CCNJL: variants seen among roughly 807,000 people sequenced by gnomAD.
CCNJL encodes cyclin-J-like protein.
Under a neutral mutation model 33.4 loss-of-function variants are expected in CCNJL, and 33 were observed. The ratio of observed to expected loss-of-function variants is 0.99; its 90% CI spans 0.75 to 1.32. The LOEUF (loss-of-function observed/expected upper bound fraction) is 1.32. CCNJL is among the 40% of genes most tolerant of loss of function. The pLI, the probability that CCNJL is intolerant of heterozygous loss-of-function variation, is 0.00. For missense variants in CCNJL, 512 were observed against 499.7 expected (o/e 1.02, Z -0.23); for synonymous variants, 227 against 220.9 (o/e 1.03, Z -0.24).
chr5:160,262,361 G>T (rs1761376411), intron 3 of CCNJL, among the ~76,000 whole-genome samples: 1 of 152,184 alleles, frequency 6.6e-6, no homozygotes, highest in South Asian at 2.1e-4. Context: ...CCAATGGAAG[G>T]CACCAGGGAT....
intron 3 of CCNJL, among the ~76,000 whole-genome samples, chr5:160,273,642 C>CTTT (rs56869675): frequency 0.01 from 1,023 of 97,640 alleles, 43 homozygotes; most frequent in African/African-American, 0.022. Flanking sequence ...AGTGCCGCCA[C>CTTT]TTTTTTTTTT....
intron 2 of CCNJL, among the ~76,000 whole-genome samples, chr5:160,304,427 G>T (rs1763027107): frequency 6.6e-6 from 1 of 152,134 alleles, no homozygotes; most frequent in African/African-American, 2.4e-5. Context: ...CTGCAGGTTA[G>T]ACTGCAGGAA....
chr5:160,254,286 A>G (rs746858671), intron 5 of CCNJL: 6 of 654,650 alleles, frequency 9.2e-6, no homozygotes, highest in Non-Finnish European at 1.6e-5. Context: ...GCTAGCTGAT[A>G]TCAACCAAAT....
intron 3 of CCNJL, among the ~76,000 whole-genome samples, chr5:160,266,897 C>T (rs1176098410): frequency 6.6e-6 from 1 of 152,184 alleles, no homozygotes; most frequent in Non-Finnish European, 1.5e-5. Context: ...AGGACTGTGA[C>T]CTTGAACTCT....
chr5:160,338,456 A>G (rs921479296), intron 1 of CCNJL, among the ~76,000 whole-genome samples: 2 of 147,872 alleles, frequency 1.4e-5, no homozygotes, highest in Admixed American at 6.8e-5. Context: ...ACGTATCTTC[A>G]TTTTACACTA....
intron 3 of CCNJL, among the ~76,000 whole-genome samples, chr5:160,260,543 C>G (rs530782477): frequency 1.1e-4 from 17 of 152,214 alleles, no homozygotes; most frequent in African/African-American, 4.1e-4. Context: ...ATAGCAACCC[C>G]GGCAGTCATC....
chr5:160,304,962 C>T (rs1446891706), intron 2 of CCNJL, among the ~76,000 whole-genome samples: 1 of 152,034 alleles, frequency 6.6e-6, no homozygotes, highest in Non-Finnish European at 1.5e-5. Flanking sequence ...TACAGGTGCA[C>T]ACCACCACGC....
At chr5:160,268,466 C>T (rs984893632) in intron 3 of CCNJL, among the ~76,000 whole-genome samples, 1 of 152,210 alleles carries the variant, frequency 6.6e-6, no homozygotes, top group Non-Finnish European at 1.5e-5. Flanking sequence ...TAGAACAGCA[C>T]CCTTTGTAAA....
intron 3 of CCNJL, among the ~76,000 whole-genome samples, chr5:160,267,610 AT>A (rs1164454571): frequency 6.6e-6 from 1 of 152,230 alleles, no homozygotes; most frequent in Admixed American, 6.5e-5. Flanking sequence ...AAGCTCCATA[AT>A]AAGTGTATCT....
intron 3 of CCNJL, among the ~76,000 whole-genome samples, chr5:160,273,006 T>C (rs1761890767): frequency 6.6e-6 from 1 of 151,858 alleles, no homozygotes. Context: ...ATAAAAAGAG[T>C]GAAGTAAATC....
chr5:160,260,889 C>T (rs1274210499), intron 3 of CCNJL, among the ~76,000 whole-genome samples: 1 of 152,168 alleles, frequency 6.6e-6, no homozygotes, highest in African/African-American at 2.4e-5. Context: ...CTGTACTGTA[C>T]GACTCCCACA....
At chr5:160,276,539 A>G (rs1010006829) in intron 3 of CCNJL, 3 of 152,274 alleles carry the variant, frequency 2.0e-5, no homozygotes, top group Admixed American at 6.5e-5. Context: ...CATATTGTAT[A>G]ATCCCCTTTA....
rs115916263 is a variant in CCNJL, at chr5:160,285,376, C to T, written c.67-4638G>A. On this transcript the variant is annotated intron_variant, in intron 2 of 5. Coordinates refer to ENST00000257536, the MANE Select transcript of CCNJL (RefSeq NM_001308173.3). ...TGCACATCACTGTTACTTCAGCACC[C>T]CAGTGTGAAGAGAACAGGGTTAGGT... 5.8e-3 allele frequency among the ~76,000 whole-genome samples: 884 copies of T among 152,136 alleles called. 16 individuals carry two copies. The highest frequency in any genetic ancestry group is 0.02 in the African/African-American group (836 of 41,488).
intron 2 of CCNJL, chr5:160,281,064 CT>C (rs35328886): frequency 0.29 from 106,029 of 370,836 alleles, 17,026 homozygotes; most frequent in East Asian, 0.46. Context: ...AGTCCAAATT[CT>C]TTTTTTTTCC....
intron 4 of CCNJL, among the ~76,000 whole-genome samples, chr5:160,256,302 T>A (rs1474721998): frequency 2.6e-5 from 4 of 152,248 alleles, no homozygotes; most frequent in Non-Finnish European, 5.9e-5. Flanking sequence ...GCAAAACATT[T>A]GTCCTTTCTT....
At chr5:160,328,422 G>A (rs1163184823) in intron 1 of CCNJL, among the ~76,000 whole-genome samples, 7 of 152,126 alleles carry the variant, frequency 4.6e-5, no homozygotes, top group South Asian at 4.1e-4. Flanking sequence ...TTGGAATAAC[G>A]CGGATGAAGA....
chr5:160,318,871 A>G (rs913250623), intron 1 of CCNJL, among the ~76,000 whole-genome samples: 1 of 151,906 alleles, frequency 6.6e-6, no homozygotes, highest in Non-Finnish European at 1.5e-5. Flanking sequence ...ACTGGCATGC[A>G]TAATATAAAT....
chr5:160,317,102 A>AATTATTATT (rs1763388756), upstream of CCNJL, among the ~76,000 whole-genome samples: 1 of 152,176 alleles, frequency 6.6e-6, no homozygotes, highest in Non-Finnish European at 1.5e-5. Context: ...CCTTATTACC[A>AATTATTATT]CTTTGATCTT....
chr5:160,318,233 T>C (rs1358838697), intron 1 of CCNJL, among the ~76,000 whole-genome samples: 1 of 152,144 alleles, frequency 6.6e-6, no homozygotes, highest in Non-Finnish European at 1.5e-5. Context: ...ACCAGGCTGG[T>C]GTTGAACTCC....
Sources: gnomAD v4.1 joint callset for allele counts (sites outside exome capture counted in the v4.1 genomes callset) on GRCh38, gnomAD v4.1.1 for gene constraint, MANE v1.5 for transcripts, NCBI Gene and HGNC (gene_info 2026-07-23, HGNC 2026-07-21) for gene names.